FREM2: variants seen among roughly 807,000 people sequenced by gnomAD.
The protein encoded by FREM2 is FRAS1 related extracellular matrix 2.
A neutral mutation model predicts 219.9 loss-of-function variants in FREM2; 119 were observed. That is an observed-to-expected ratio of 0.54 (90% CI 0.47 to 0.63). FREM2 has a LOEUF of 0.63. FREM2 is among the 30% of genes least tolerant of loss of function. The pLI is 0.00. For synonymous variants in FREM2, 1,562 were observed against 1,522.8 expected, an observed-to-expected ratio of 1.03 and a Z score of -0.60; for missense variants, 4,030 against 3,993.6, an observed-to-expected ratio of 1.01 and a Z score of -0.25.
intron 1 of FREM2, 144 bp downstream of exon 1, chr13:38,692,661 C>A: frequency 1.1e-6 from 1 of 931,128 alleles, no homozygotes; most frequent in Non-Finnish European, 1.7e-6. Context: ...GACTCACTTT[C>A]CTAGGAGGAC....
intron 2 of FREM2, among the ~76,000 whole-genome samples, chr13:38,751,864 CTGTGTGTGTGTGTGTGTGTGTGTG>C (rs59365871): frequency 7.7e-6 from 1 of 130,254 alleles, no homozygotes; most frequent in Non-Finnish European, 1.6e-5. Flanking sequence ...TGTACTTACT[CTGTGTGTGTGTGTGTGTGTGTGTG>C]TGTGTGTGTT....
chr13:38,778,989 A>C (rs1873995339), intron 4 of FREM2, among the ~76,000 whole-genome samples: 1 of 152,202 alleles, frequency 6.6e-6, no homozygotes. Context: ...TATTATTTGT[A>C]CTCAAGTCTT....
chr13:38,720,466 G>T (rs1566116837), intron 2 of FREM2, among the ~76,000 whole-genome samples: 1 of 152,156 alleles, frequency 6.6e-6, no homozygotes, highest in Non-Finnish European at 1.5e-5. Flanking sequence ...CTCTGACTCT[G>T]GATACATTCT....
At position 38,689,974 on chromosome 13, in the gene FREM2, TGAGAGTGTCTGGACA is replaced by T; in HGVS notation, c.2633_2647del (p.Arg878_Gln882del). On this transcript the variant is annotated inframe_deletion, in exon 1 of 24. Transcript: ENST00000280481. The stretch of plus-strand genomic sequence containing the variant: ...ACTCAGGCACCCAAACATGGCCACA[TGAGAGTGTCTGGACA>T]GATCCTGCATGTAGGGGGTCTCTTC... The T allele has an allele frequency of 6.2e-7, 1 of 1,614,080 alleles. No homozygotes were observed. The highest frequency in any genetic ancestry group is 8.5e-7 in the Non-Finnish European group (1 of 1,179,986).
chr13:38,855,016 C>A (rs1459327491), intron 11 of FREM2, among the ~76,000 whole-genome samples: 1 of 152,030 alleles, frequency 6.6e-6, no homozygotes, highest in African/African-American at 2.4e-5. Flanking sequence ...ATAGTAAAAC[C>A]AACAAAATAG....
intron 13 of FREM2, 90 bp from the exon 14 acceptor site, chr13:38,859,197 G>A (rs1186034373): frequency 1.6e-6 from 2 of 1,247,398 alleles, no homozygotes; most frequent in East Asian, 2.3e-5. Flanking sequence ...GGGGAAAGCA[G>A]CAGTGAAAAC....
chr13:38,805,456 A>C (rs1434932826), intron 6 of FREM2, among the ~76,000 whole-genome samples: 2 of 151,306 alleles, frequency 1.3e-5, no homozygotes, highest in African/African-American at 4.9e-5. Flanking sequence ...AGAAGATGAG[A>C]CTCTATTTAA....
At chr13:38,869,449 C>T (rs1024389588) in intron 16 of FREM2, among the ~76,000 whole-genome samples, 2 of 152,162 alleles carry the variant, frequency 1.3e-5, no homozygotes, top group African/African-American at 4.8e-5. Context: ...ATTCCATGAA[C>T]ACCTACTCTG....
Position 38,755,846 on chromosome 13 carries a change from C to T in FREM2, c.5264-8458C>T, listed in dbSNP as rs569406864. On this transcript the variant is annotated intron_variant, in intron 2 of 23. Transcript: ENST00000280481. The stretch of plus-strand genomic sequence containing the variant: ...ATTCTTCATTAGAATTCATTCCATG[C>T]ATATCACTTTCCCGTAGGCTAACAA... 2.3e-4 allele frequency among the ~76,000 whole-genome samples: 35 copies of T among 152,330 alleles called. 1 individual carries two copies. The South Asian group carries it at 6.2e-3, about 27-fold the overall frequency.
In FREM2 at chr13:38,687,905, T is replaced by C. The variant is rs1869560798; in HGVS notation, c.561T>C (p.Pro187=). ...TGGAGGTTGTGACTCGGAACTTGCC[T>C]CTGGTCGTGGAAGAGCTGCTGGGGA... ...TQLEVVTRNL[P]LVVEELLGTS... The change falls in exon 1 of 24, where the codon CCT becomes CCC. Residue 187 remains proline, a synonymous_variant. Transcript: ENST00000280481. The C allele has an allele frequency of 6.3e-7, 1 of 1,592,286 alleles. No individual in the cohort carries two copies.
At chr13:38,789,444 C>CCT (rs760233464) in intron 6 of FREM2, among the ~76,000 whole-genome samples, 12 of 149,926 alleles carry the variant, frequency 8.0e-5, no homozygotes, top group African/African-American at 2.7e-4. Flanking sequence ...GTTCTTCTAT[C>CCT]CTCTCTCTCT....
intron 2 of FREM2, among the ~76,000 whole-genome samples, chr13:38,748,804 T>C (rs1872585176): frequency 6.6e-6 from 1 of 152,136 alleles, no homozygotes; most frequent in Non-Finnish European, 1.5e-5. Flanking sequence ...GGGAAGTGCT[T>C]TCCCAAATTG....
At chr13:38,802,024 G>A (rs142876589) in intron 6 of FREM2, among the ~76,000 whole-genome samples, 1 of 152,158 alleles carries the variant, frequency 6.6e-6, no homozygotes, top group Non-Finnish European at 1.5e-5. Flanking sequence ...ACATTATTCA[G>A]CTTCCAACAG....
intron 6 of FREM2, among the ~76,000 whole-genome samples, chr13:38,807,225 A>ATATATATATG (rs1208111391): frequency 3.2e-5 from 4 of 125,224 alleles, no homozygotes; most frequent in African/African-American, 8.6e-5. Flanking sequence ...ATATATATAT[A>ATATATATATG]TATGTATGGT....
chr13:38,784,520 T>A, intron 5 of FREM2, 37 bp from the exon 6 acceptor site: 1 of 1,610,820 alleles, frequency 6.2e-7, no homozygotes, highest in East Asian at 2.2e-5. Flanking sequence ...TGTCTTATGT[T>A]CTACATAAAA....
At chr13:38,782,602 A>G (rs1874160650) in intron 4 of FREM2, among the ~76,000 whole-genome samples, 2 of 152,230 alleles carry the variant, frequency 1.3e-5, no homozygotes, top group Non-Finnish European at 2.9e-5. Context: ...AGACATTTCA[A>G]GATCTGAGTT....
At chr13:38,718,124 G>A (rs561279625) in intron 2 of FREM2, among the ~76,000 whole-genome samples, 38 of 152,216 alleles carry the variant, frequency 2.5e-4, no homozygotes, top group African/African-American at 6.3e-4. Flanking sequence ...TGGCTTTGAC[G>A]TTTCATAGCA....
intron 2 of FREM2, among the ~76,000 whole-genome samples, chr13:38,730,802 A>G: frequency 6.6e-6 from 1 of 152,150 alleles, no homozygotes; most frequent in East Asian, 1.9e-4. Context: ...CAGCAGAAAT[A>G]TTATTGTTTG....
At chr13:38,832,266 A>G (rs1876540502) in intron 6 of FREM2, among the ~76,000 whole-genome samples, 1 of 152,186 alleles carries the variant, frequency 6.6e-6, no homozygotes, top group Admixed American at 6.5e-5. Flanking sequence ...TCTGTCTCAA[A>G]AAATGAAAAA....
Sources: gnomAD v4.1 joint callset for allele counts (sites outside exome capture counted in the v4.1 genomes callset) on GRCh38, gnomAD v4.1.1 for gene constraint, MANE v1.5 for transcripts, NCBI Gene and HGNC (gene_info 2026-07-23, HGNC 2026-07-21) for gene names.